The following WDPCP variants were observed in gnomAD, a reference collection of about 807,000 sequenced individuals.
WDPCP encodes the protein WD repeat containing planar cell polarity effector, also known as WD repeat-containing and planar cell polarity effector protein fritz homolog.
WDPCP carries 71 observed loss-of-function variants against 93.1 expected under a neutral mutation model. That is an observed-to-expected ratio of 0.76 (90% CI 0.63 to 0.93). The LOEUF is 0.93. Ranked by LOEUF, WDPCP falls within the 40% of genes least tolerant of loss-of-function variation. WDPCP has a pLI of 0.00. For missense variants in WDPCP, 844 were observed against 887.4 expected, an observed-to-expected ratio of 0.95 and a Z score of 0.62; for synonymous variants, 315 against 315.0, an observed-to-expected ratio of 1.00 and a Z score of 0.00.
chr2:63,800,023 T>TA (rs1306925782), intron 2 of WDPCP, among the ~76,000 whole-genome samples: 1 of 151,908 alleles, frequency 6.6e-6, no homozygotes, highest in Admixed American at 6.6e-5. Flanking sequence ...CTTCCTTGGT[T>TA]AAAAAAAAGT....
At chr2:63,142,343 T>C (rs1341191751) in intron 17 of WDPCP, among the ~76,000 whole-genome samples, 1 of 152,212 alleles carries the variant, frequency 6.6e-6, no homozygotes, top group Non-Finnish European at 1.5e-5. Flanking sequence ...GTCATTATTG[T>C]CATTCAGTTC....
intron 1 of WDPCP, among the ~76,000 whole-genome samples, chr2:63,540,518 G>C (rs1704625825): frequency 6.6e-6 from 1 of 152,140 alleles, no homozygotes; most frequent in Non-Finnish European, 1.5e-5. Flanking sequence ...TGTTCACCAA[G>C]AAGCACCTCT....
At chr2:63,308,188 C>A (rs188749527) in intron 13 of WDPCP, among the ~76,000 whole-genome samples, 113 of 152,302 alleles carry the variant, frequency 7.4e-4, no homozygotes, top group African/African-American at 2.6e-3. Flanking sequence ...ATCAGACCCA[C>A]AATGAGATAC....
chr2:63,395,709 C>T (rs984169799), intron 10 of WDPCP, among the ~76,000 whole-genome samples: 2 of 152,034 alleles, frequency 1.3e-5, no homozygotes, highest in African/African-American at 2.4e-5. Flanking sequence ...AGGGTATATA[C>T]ATTTGTCAAA....
At chr2:63,209,539 C>CTGT (rs1320728832) in intron 14 of WDPCP, among the ~76,000 whole-genome samples, 1 of 152,152 alleles carries the variant, frequency 6.6e-6, no homozygotes, top group African/African-American at 2.4e-5. Context: ...GGTCCTGTAG[C>CTGT]TGTTGGTGAT....
intron 2 of WDPCP, among the ~76,000 whole-genome samples, chr2:63,751,443 C>G (rs57531829): frequency 0.017 from 2,575 of 152,230 alleles, 24 homozygotes; most frequent in African/African-American, 0.018. Flanking sequence ...AAAACCCTTT[C>G]TTGGAATGCT....
At chr2:63,481,335 ATT>A (rs1276028249) in intron 6 of WDPCP, among the ~76,000 whole-genome samples, 1 of 152,100 alleles carries the variant, frequency 6.6e-6, no homozygotes, top group East Asian at 1.9e-4. Flanking sequence ...CAGTGTGGAG[ATT>A]CCTTAAAGAA....
chr2:63,368,639 TA>T lies in WDPCP; in HGVS notation c.1748+9746del, dbSNP rs543071951. Among the ~76,000 whole-genome samples, 827 of 141,436 alleles carry T rather than the reference TA, an allele frequency of 5.8e-3. 2 individuals are homozygous for T. Among genetic ancestry groups the T allele is most frequent in the South Asian group, 0.018 (79 of 4,472 alleles). 92.8% of individuals were successfully genotyped at this position (141,436 alleles called of 152,430 possible). A position where few individuals can be genotyped will look rare whatever the true frequency, so the allele number is the denominator to read the frequency against. Reference sequence around the variant, plus strand: ...CCACGCCCAGCCAATTTTATTTAATTAAAAAAAAAAAAAGGACTCAAGCAAT... The same window carrying T: ...CCACGCCCAGCCAATTTTATTTAATTAAAAAAAAAAAAGGACTCAAGCAAT... On this transcript the variant is annotated intron_variant, in intron 12 of 17. Coordinates refer to ENST00000272321, the MANE Select transcript of WDPCP (RefSeq NM_015910.7).
chr2:63,270,932 G>C (rs1442703874), intron 13 of WDPCP, among the ~76,000 whole-genome samples: 3 of 152,164 alleles, frequency 2.0e-5, no homozygotes, highest in African/African-American at 7.2e-5. Context: ...TGAGAGCCCA[G>C]TCACAAGAAA....
At chr2:63,311,461 A>G (rs1330033490) in intron 13 of WDPCP, among the ~76,000 whole-genome samples, 2 of 152,212 alleles carry the variant, frequency 1.3e-5, no homozygotes, top group African/African-American at 2.4e-5. Context: ...AATGCTCTCA[A>G]TATTTTGAGC....
chr2:63,412,139 T>C (rs1695067279), intron 9 of WDPCP, among the ~76,000 whole-genome samples: 1 of 152,142 alleles, frequency 6.6e-6, no homozygotes, highest in Non-Finnish European at 1.5e-5. Context: ...AACAAAATAA[T>C]AGCTAACTGA....
intron 6 of WDPCP, among the ~76,000 whole-genome samples, chr2:63,451,464 C>A (rs577988830): frequency 4.6e-4 from 70 of 152,162 alleles, no homozygotes; most frequent in Non-Finnish European, 7.9e-4. Flanking sequence ...AACTTGCCAA[C>A]CAAAAAAAGT....
intron 6 of WDPCP, among the ~76,000 whole-genome samples, chr2:63,456,591 T>C (rs948290048): frequency 2.6e-5 from 4 of 152,020 alleles, no homozygotes; most frequent in East Asian, 1.9e-4. Context: ...AATCTAATGA[T>C]AGACCTCAAG....
At chr2:63,319,029 T>C (rs535667686) in intron 12 of WDPCP, among the ~76,000 whole-genome samples, 2 of 152,300 alleles carry the variant, frequency 1.3e-5, no homozygotes, top group East Asian at 1.9e-4. Context: ...AGACTGACCC[T>C]AGACTTCTCA....
At chr2:63,700,124 A>G (rs894480821) in intron 2 of WDPCP, among the ~76,000 whole-genome samples, 4 of 151,846 alleles carry the variant, frequency 2.6e-5, no homozygotes, top group Non-Finnish European at 2.9e-5. Flanking sequence ...CATACAAAAA[A>G]TGCAAAAATT....
At chr2:63,296,328 A>G (rs547583208) in intron 13 of WDPCP, among the ~76,000 whole-genome samples, 24 of 152,310 alleles carry the variant, frequency 1.6e-4, no homozygotes, top group Admixed American at 2.6e-4. Flanking sequence ...ACAAGCCCAC[A>G]GCAAACATCA....
chr2:63,454,957 C>T (rs1698521349), intron 6 of WDPCP, among the ~76,000 whole-genome samples: 1 of 152,076 alleles, frequency 6.6e-6, no homozygotes, highest in Non-Finnish European at 1.5e-5. Flanking sequence ...ATCAAAATTA[C>T]CCTTCATAAA....
intron 2 of WDPCP, among the ~76,000 whole-genome samples, chr2:63,700,502 T>C (rs986376741): frequency 5.3e-5 from 8 of 152,064 alleles, no homozygotes; most frequent in African/African-American, 1.9e-4. Flanking sequence ...CGAAGACAAA[T>C]GTGGTATGCC....
chr2:63,147,237 C>T (rs915237956), intron 17 of WDPCP, among the ~76,000 whole-genome samples: 1 of 152,072 alleles, frequency 6.6e-6, no homozygotes, highest in Admixed American at 6.5e-5. Flanking sequence ...GTTACTTTAG[C>T]AGCATTGTGG....
Sources: allele counts gnomAD v4.1 joint callset (sites outside exome capture counted in the v4.1 genomes callset), GRCh38; gene constraint gnomAD v4.1.1; transcripts MANE v1.5; gene names NCBI Gene and HGNC (gene_info 2026-07-23, HGNC 2026-07-21).